The following PDE3A variants were observed in gnomAD, a reference collection of about 807,000 sequenced individuals.
PDE3A encodes the protein cGMP-inhibited 3',5'-cyclic phosphodiesterase 3A.
Under a neutral mutation model 98.3 loss-of-function variants are expected in PDE3A, and 43 were observed. That is an observed-to-expected ratio of 0.44 (90% CI 0.34 to 0.56). The LOEUF (loss-of-function observed/expected upper bound fraction) is 0.56, where lower values mean the gene tolerates loss of function less well. PDE3A is among the 20% of genes least tolerant of loss of function. The probability of loss-of-function intolerance (pLI) is 0.01; values close to 1 mark genes in which losing one functional copy is unlikely to be tolerated. For synonymous variants in PDE3A, 663 were observed against 567.9 expected (o/e 1.17, Z -2.38); for missense variants, 1,427 against 1,440.7 (o/e 0.99, Z 0.15).
At chr12:20,432,618 A>C (rs890478296) in intron 1 of PDE3A, among the ~76,000 whole-genome samples, 5 of 152,166 alleles carry the variant, frequency 3.3e-5, no homozygotes, top group African/African-American at 1.2e-4. Flanking sequence ...ATACCTTAAT[A>C]AAATAGGTCA....
At chr12:20,656,517 T>C (rs1012668391) in intron 15 of PDE3A, among the ~76,000 whole-genome samples, 6 of 152,258 alleles carry the variant, frequency 3.9e-5, no homozygotes, top group African/African-American at 1.2e-4. Context: ...ATTTATCTGA[T>C]GCAAATAAAA....
intron 1 of PDE3A, among the ~76,000 whole-genome samples, chr12:20,372,536 C>G (rs1417176593): frequency 6.6e-6 from 1 of 151,974 alleles, no homozygotes; most frequent in Non-Finnish European, 1.5e-5. Flanking sequence ...AGGACAGTAT[C>G]TCATATACGT....
intron 1 of PDE3A, among the ~76,000 whole-genome samples, chr12:20,515,699 A>ATTATTTATTTATTTATTTATTTAT (rs58454608): frequency 7.1e-6 from 1 of 141,042 alleles, no homozygotes; most frequent in African/African-American, 2.6e-5. Flanking sequence ...CTCACACTGT[A>ATTATTTATTTATTTATTTATTTAT]TTATTTATTT....
At chr12:20,644,299 T>C (rs1403042466) in intron 10 of PDE3A, among the ~76,000 whole-genome samples, 1 of 152,236 alleles carries the variant, frequency 6.6e-6, no homozygotes, top group Non-Finnish European at 1.5e-5. Flanking sequence ...TGTCTTGTTC[T>C]ACAGCAGCAA....
At chr12:20,543,899 G>A (rs970436653) in intron 1 of PDE3A, among the ~76,000 whole-genome samples, 1 of 151,786 alleles carries the variant, frequency 6.6e-6, no homozygotes, top group Non-Finnish European at 1.5e-5. Context: ...ATACAAATTG[G>A]ATGCTATTAT....
chr12:20,572,406 C>T (rs1331092662), intron 2 of PDE3A, among the ~76,000 whole-genome samples: 3 of 151,988 alleles, frequency 2.0e-5, no homozygotes, highest in African/African-American at 7.2e-5. Flanking sequence ...TAAGATGTTA[C>T]AAAACTATCT....
At chr12:20,404,803 T>G (rs1005492652) in intron 1 of PDE3A, among the ~76,000 whole-genome samples, 10 of 148,384 alleles carry the variant, frequency 6.7e-5, no homozygotes, top group Admixed American at 2.7e-4. Flanking sequence ...CCATTGCCAT[T>G]CCACACATGT....
At chr12:20,403,186 A>G (rs887463844) in intron 1 of PDE3A, among the ~76,000 whole-genome samples, 2 of 152,206 alleles carry the variant, frequency 1.3e-5, no homozygotes, top group African/African-American at 4.8e-5. Context: ...TTATTGCAAA[A>G]TGCAACAGTT....
At chr12:20,662,837 T>G (rs923449817) in intron 15 of PDE3A, among the ~76,000 whole-genome samples, 1 of 152,106 alleles carries the variant, frequency 6.6e-6, no homozygotes, top group Admixed American at 6.5e-5. Flanking sequence ...TGCAGAAAAT[T>G]TGCATAAGTA....
intron 1 of PDE3A, among the ~76,000 whole-genome samples, chr12:20,478,048 G>A (rs1030940996): frequency 6.6e-6 from 1 of 152,152 alleles, no homozygotes; most frequent in African/African-American, 2.4e-5. Context: ...AAGGCTTTAA[G>A]CTTCTGCAGG....
chr12:20,572,348 T>C (rs1942819313), intron 2 of PDE3A, among the ~76,000 whole-genome samples: 1 of 152,134 alleles, frequency 6.6e-6, no homozygotes, highest in African/African-American at 2.4e-5. Context: ...TATAAAAATA[T>C]GACCTGGGAC....
intron 2 of PDE3A, 164 bp downstream of exon 2, chr12:20,556,874 A>C (rs947014704): frequency 7.5e-6 from 5 of 667,852 alleles, no homozygotes; most frequent in Non-Finnish European, 1.3e-5. Context: ...TGGATTTCAA[A>C]TCCCAAAGGC....
rs1945794323 is a variant in PDE3A at position 20,681,843 on chromosome 12, T to C, written c.*1572T>C. On this transcript the variant is annotated 3_prime_UTR_variant, in exon 16 of 16. Coordinates refer to ENST00000359062, the MANE Select transcript of PDE3A (RefSeq NM_000921.5). ...ATTTTATTTCATATTATTATATATG[T>C]CATGATAGTTATCTTGATGTAAATA... is the stretch of plus-strand genomic sequence containing the variant. 6.6e-6 allele frequency: 1 copy of C among 152,236 alleles called. No individual in the cohort carries two copies. Among genetic ancestry groups the C allele is most frequent in the South Asian group, 2.1e-4 (1 of 4,834 alleles). The allele number at this position is 152,236 out of a possible 1,614,324, so 9.4% of individuals were successfully genotyped here.
At chr12:20,525,856 G>A (rs1024527388) in intron 1 of PDE3A, among the ~76,000 whole-genome samples, 1 of 152,162 alleles carries the variant, frequency 6.6e-6, no homozygotes, top group Non-Finnish European at 1.5e-5. Flanking sequence ...GAGGTAATGA[G>A]TAACCAAAAC....
intron 1 of PDE3A, among the ~76,000 whole-genome samples, chr12:20,372,544 C>T (rs181513321): frequency 8.5e-5 from 13 of 152,140 alleles, no homozygotes; most frequent in South Asian, 4.1e-4. Flanking sequence ...ATCTCATATA[C>T]GTTAGCCTTA....
intron 1 of PDE3A, among the ~76,000 whole-genome samples, chr12:20,512,356 C>A (rs1946243159): frequency 6.6e-6 from 1 of 152,032 alleles, no homozygotes; most frequent in African/African-American, 2.4e-5. Flanking sequence ...AAAAAATCCG[C>A]TCTGCAAATT....
chr12:20,386,148 T>TAAAA (rs1943786711), intron 1 of PDE3A, among the ~76,000 whole-genome samples: 1 of 29,844 alleles, frequency 3.4e-5, no homozygotes, highest in Non-Finnish European at 6.9e-5. Flanking sequence ...TATAAATATA[T>TAAAA]ATATAAATAT....
At chr12:20,543,896 T>C (rs1941986512) in intron 1 of PDE3A, among the ~76,000 whole-genome samples, 1 of 151,838 alleles carries the variant, frequency 6.6e-6, no homozygotes, top group Non-Finnish European at 1.5e-5. Context: ...ACCATACAAA[T>C]TGGATGCTAT....
intron 1 of PDE3A, among the ~76,000 whole-genome samples, chr12:20,382,828 A>T (rs1943686802): frequency 6.6e-6 from 1 of 152,040 alleles, no homozygotes; most frequent in East Asian, 1.9e-4. Flanking sequence ...ATTCTTGCCC[A>T]TTAGGGCCAG....
Sources: allele counts gnomAD v4.1 joint callset (sites outside exome capture counted in the v4.1 genomes callset), GRCh38; gene constraint gnomAD v4.1.1; transcripts MANE v1.5; gene names NCBI Gene and HGNC (gene_info 2026-07-23, HGNC 2026-07-21).